Variants in CCDC7 observed in about 807,000 individuals in gnomAD.
CCDC7 encodes the protein coiled-coil domain-containing protein 7.
A neutral mutation model predicts 196.9 loss-of-function variants in CCDC7; 183 were observed. The ratio of observed to expected loss-of-function variants is 0.93; its 90% CI spans 0.82 to 1.05. The LOEUF (loss-of-function observed/expected upper bound fraction) is 1.05, where lower values mean the gene tolerates loss of function less well. CCDC7 is among the 50% of genes least tolerant of loss of function. CCDC7 has a pLI of 0.00. For missense variants in CCDC7, 1,540 were observed against 1,482.2 expected, an observed-to-expected ratio of 1.04 and a Z score of -0.64; for synonymous variants, 525 against 484.6, an observed-to-expected ratio of 1.08 and a Z score of -1.10.
chr10:32,552,062 T>C (rs1321138704), intron 13 of CCDC7, among the ~76,000 whole-genome samples: 1 of 152,212 alleles, frequency 6.6e-6, no homozygotes, highest in African/African-American at 2.4e-5. Context: ...AGTAATTGTT[T>C]TATAAATTTG....
chr10:32,704,169 G>A (rs941437662), intron 24 of CCDC7, among the ~76,000 whole-genome samples: 12 of 152,212 alleles, frequency 7.9e-5, no homozygotes, highest in Admixed American at 4.6e-4. Context: ...TGAGGATGGC[G>A]ACGTACAGAT....
At chr10:32,455,722 A>G (rs983934913) in intron 2 of CCDC7, among the ~76,000 whole-genome samples, 19 of 152,234 alleles carry the variant, frequency 1.2e-4, no homozygotes, top group African/African-American at 1.7e-4. Flanking sequence ...TCATGAGTCA[A>G]TTCTCTGATT....
intron 23 of CCDC7, among the ~76,000 whole-genome samples, chr10:32,690,327 T>C (rs2076940353): frequency 6.6e-6 from 1 of 152,200 alleles, no homozygotes; most frequent in Admixed American, 6.5e-5. Flanking sequence ...TGATGACAGA[T>C]ATTAGAGCAG....
intron 30 of CCDC7, among the ~76,000 whole-genome samples, chr10:32,806,108 C>T (rs1458537614): frequency 1.3e-5 from 2 of 152,174 alleles, no homozygotes; most frequent in Non-Finnish European, 2.9e-5. Context: ...ACACGTCCCA[C>T]CTCCAACAAT....
intron 28 of CCDC7, among the ~76,000 whole-genome samples, chr10:32,733,743 T>G (rs910039024): frequency 1.3e-5 from 2 of 152,226 alleles, no homozygotes; most frequent in Admixed American, 6.5e-5. Context: ...TTATGGTAGT[T>G]CTGTCAAATT....
At chr10:32,746,863 C>T (rs1448091379) in intron 28 of CCDC7, among the ~76,000 whole-genome samples, 3 of 152,254 alleles carry the variant, frequency 2.0e-5, no homozygotes, top group Non-Finnish European at 4.4e-5. Context: ...CAGGCCACAG[C>T]TGGCATGCGC....
downstream of CCDC7, among the ~76,000 whole-genome samples, chr10:32,881,024 A>C (rs2094772881): frequency 6.6e-6 from 1 of 152,210 alleles, no homozygotes. Context: ...AGATAGTGTT[A>C]CCATTTGATG....
intron 19 of CCDC7, among the ~76,000 whole-genome samples, chr10:32,634,589 G>T (rs1320569058): frequency 6.6e-6 from 1 of 152,024 alleles, no homozygotes; most frequent in African/African-American, 2.4e-5. Flanking sequence ...TAGAGACGGG[G>T]TTTCACCATG....
intron 9 of CCDC7, among the ~76,000 whole-genome samples, chr10:32,493,717 G>C (rs1157176804): frequency 6.6e-6 from 1 of 151,616 alleles, no homozygotes; most frequent in African/African-American, 2.4e-5. Flanking sequence ...TTTTCTTTTT[G>C]ATAATAGCCA....
chr10:32,640,835 C>A lies in CCDC7; in HGVS notation c.2014+5677C>A, dbSNP rs1337100795. Among the ~76,000 whole-genome samples, 5 of 150,214 alleles carry A rather than the reference C, an allele frequency of 3.3e-5. No individual in the cohort carries two copies. The East Asian group carries it at 9.7e-4, about 29-fold the overall frequency. ...TTTCTTTAAGAATGTTGAATATTGG[C>A]CCCCAGTCTCTTCTGGCTTGTAGAT... On this transcript the variant is annotated intron_variant, in intron 20 of 41. Coordinates refer to ENST00000639629, the Ensembl canonical transcript of CCDC7.
At chr10:32,565,775 G>A (rs569201801) in intron 14 of CCDC7, among the ~76,000 whole-genome samples, 155 bp downstream of exon 15, 1 of 151,968 alleles carries the variant, frequency 6.6e-6, no homozygotes, top group Non-Finnish European at 1.5e-5. Context: ...TGCATTAGGG[G>A]TATATTAATA....
downstream of CCDC7, among the ~76,000 whole-genome samples, chr10:32,878,475 AC>A (rs1435660390): frequency 1.3e-5 from 2 of 152,114 alleles, no homozygotes; most frequent in Non-Finnish European, 2.9e-5. Flanking sequence ...AAAATGTAAT[AC>A]TTTTTCAGGA....
intron 18 of CCDC7, among the ~76,000 whole-genome samples, chr10:32,610,528 C>T (rs112630729): frequency 2.4e-4 from 36 of 152,120 alleles, no homozygotes; most frequent in African/African-American, 7.2e-4. Context: ...CCCATCAACG[C>T]GTCATCTACA....
At chr10:32,474,869 A>G (rs1227497478) in intron 8 of CCDC7, among the ~76,000 whole-genome samples, 1 of 152,222 alleles carries the variant, frequency 6.6e-6, no homozygotes, top group Non-Finnish European at 1.5e-5. Context: ...GTTCAAAAGT[A>G]GAAAATAATA....
Position 32,852,293 on chromosome 10 carries a change from G to A in CCDC7, c.4021+361G>A, listed in dbSNP as rs2093592698. On this transcript the variant is annotated intron_variant, in intron 40 of 41. Coordinates refer to ENST00000639629, the Ensembl canonical transcript of CCDC7. ...CCCCAGGGAGAGCATACAATAGAAA[G>A]ACAACATAAGGATAGGTGAGAAGAA... Among the ~76,000 whole-genome samples, 4 of 152,098 alleles carry A rather than the reference G, an allele frequency of 2.6e-5. 1 individual carries two copies. The South Asian group carries it at 6.2e-4, about 24-fold the overall frequency.
chr10:32,819,905 C>T (rs1252327601), intron 31 of CCDC7, among the ~76,000 whole-genome samples: 8 of 152,280 alleles, frequency 5.3e-5, no homozygotes, highest in South Asian at 2.1e-4. Flanking sequence ...AAAACTGGCA[C>T]AAGACAGGGA....
At chr10:32,793,692 G>T (rs2083083016) in intron 29 of CCDC7, among the ~76,000 whole-genome samples, 1 of 151,988 alleles carries the variant, frequency 6.6e-6, no homozygotes, top group African/African-American at 2.4e-5. Flanking sequence ...AGAAAATGTT[G>T]TTTAATTTCC....
At position 32,755,121 on chromosome 10, in the gene CCDC7, G is replaced by A. The variant is rs575564907; in HGVS notation, c.2906-23856G>A. ...AGTAGGTAAACAAAGCACCTGGGAA[G>A]CTAGAAATGGGTGGAGCCCACCACA... On this transcript the variant is annotated intron_variant, in intron 28 of 41. Coordinates refer to ENST00000639629, the Ensembl canonical transcript of CCDC7. Among the ~76,000 whole-genome samples, 10 of 152,318 alleles carry A rather than the reference G, an allele frequency of 6.6e-5. No homozygotes were observed. In the East Asian group the frequency reaches 1.7e-3, roughly 26 times the overall value.
intron 40 of CCDC7, 145 bp downstream of exon 41, chr10:32,852,077 C>T (rs2093584988): frequency 2.7e-6 from 2 of 753,368 alleles, no homozygotes; most frequent in Non-Finnish European, 4.0e-6. Flanking sequence ...GTGCACCTAA[C>T]ATTTGTTCAT....
Sources: gnomAD v4.1 joint callset for allele counts (sites outside exome capture counted in the v4.1 genomes callset) on GRCh38, gnomAD v4.1.1 for gene constraint, MANE v1.5 for transcripts, NCBI Gene and HGNC (gene_info 2026-07-23, HGNC 2026-07-21) for gene names.